SLF2: variants seen among roughly 807,000 people sequenced by gnomAD.
SLF2 encodes the protein SMC5/6 complex localization factor 2, also known as SMC5-SMC6 complex localization factor protein 2.
Under a neutral mutation model 124.3 loss-of-function variants are expected in SLF2, and 68 were observed. The ratio of observed to expected loss-of-function variants is 0.55; its 90% CI spans 0.45 to 0.67. The LOEUF is 0.67. Ranked by LOEUF, SLF2 falls within the 30% of genes least tolerant of loss-of-function variation. SLF2 has a pLI of 0.00. For missense variants in SLF2, 1,246 were observed against 1,373.7 expected (o/e 0.91, Z 1.47); for synonymous variants, 480 against 478.8 (o/e 1.00, Z -0.03).
intron 19 of SLF2, 123 bp downstream of exon 19, chr10:100,959,619 G>C: frequency 5.2e-6 from 7 of 1,351,816 alleles, no homozygotes; most frequent in South Asian, 1.9e-5. Flanking sequence ...AAGATAAACT[G>C]AAAACGCCAG....
At chr10:100,927,101 A>G (rs995105509) in intron 6 of SLF2, among the ~76,000 whole-genome samples, 3 of 152,192 alleles carry the variant, frequency 2.0e-5, no homozygotes, top group Admixed American at 6.5e-5. Context: ...TGGAAAATAC[A>G]TATAAAATTT....
At chr10:100,938,757 T>C (rs1412247379) in intron 11 of SLF2, 21 bp downstream of exon 11, 12 of 1,575,164 alleles carry the variant, frequency 7.6e-6, no homozygotes, top group Non-Finnish European at 1.0e-5. Context: ...TCATCATAAT[T>C]AACGCCAAAA....
intron 19 of SLF2, among the ~76,000 whole-genome samples, chr10:100,961,096 G>A (rs1850420282): frequency 7.7e-6 from 1 of 129,400 alleles, no homozygotes; most frequent in South Asian, 2.5e-4. Flanking sequence ...TGCAAGCTCT[G>A]CCTCCTGGGT....
chr10:100,959,663 G>A (rs1201339963), intron 19 of SLF2, 167 bp downstream of exon 19: 4 of 1,220,890 alleles, frequency 3.3e-6, no homozygotes, highest in African/African-American at 1.6e-5. Context: ...TTTAGTTTTC[G>A]TTTGCTTTAT....
chr10:100,962,023 C>A lies in SLF2; in HGVS notation c.*111C>A. The A allele has an allele frequency of 3.1e-6, 3 of 965,212 alleles. No homozygotes were observed. Among genetic ancestry groups the A allele is most frequent in the South Asian group, 1.9e-5 (1 of 53,262 alleles). The allele number at this position is 965,212 out of a possible 1,614,324, so 59.8% of individuals were successfully genotyped here. A position where few individuals can be genotyped will look rare whatever the true frequency, so the allele number is the denominator to read the frequency against. ...CAATGAATGCCAAGAAAATGTACAG[C>A]AAATGTGCCACTTGAATATCTAGTA... On this transcript the variant is annotated 3_prime_UTR_variant, in exon 20 of 20. Transcript: ENST00000238961.
rs973969815 is a variant in SLF2, at chr10:100,931,635, A to C, written c.2436+557A>C. On this transcript the variant is annotated intron_variant, in intron 9 of 19. Transcript: ENST00000238961. ...TGGTATCATTGATGCTTATGTATGG[A>C]GTTCTGGTGTTACTCTAGATACTTC... Among the ~76,000 whole-genome samples the C allele has an allele frequency of 2.8e-4, 43 of 152,242 alleles. 1 individual carries two copies. Among genetic ancestry groups the C allele is most frequent in the Middle Eastern group, 3.4e-3 (1 of 294 alleles).
chr10:100,958,246 A>T (rs1265376626), intron 18 of SLF2, among the ~76,000 whole-genome samples: 1 of 152,222 alleles, frequency 6.6e-6, no homozygotes, highest in Non-Finnish European at 1.5e-5. Flanking sequence ...TGCAAAGGTT[A>T]GTCATTTGAA....
chr10:100,933,896 C>T (rs1180328735), intron 9 of SLF2, among the ~76,000 whole-genome samples: 2 of 152,170 alleles, frequency 1.3e-5, no homozygotes, highest in African/African-American at 2.4e-5. Context: ...TCAGGCTGGC[C>T]TCGAACTCCT....
chr10:100,922,601 C>T (rs1849541411), intron 4 of SLF2, among the ~76,000 whole-genome samples: 1 of 152,024 alleles, frequency 6.6e-6, no homozygotes, highest in Non-Finnish European at 1.5e-5. Context: ...ATACTGATTG[C>T]ACAAATAGTG....
intron 1 of SLF2, among the ~76,000 whole-genome samples, chr10:100,915,018 C>T (rs1403442636): frequency 6.6e-6 from 1 of 152,164 alleles, no homozygotes; most frequent in African/African-American, 2.4e-5. Context: ...CATAACATCC[C>T]CTTTTTTGCA....
chr10:100,918,508 A>G lies in SLF2; in HGVS notation c.973+67A>G, dbSNP rs1463031209. On this transcript the variant is annotated intron_variant, in intron 4 of 19. Transcript: ENST00000238961. ...CATTTTAATGGCACTGCTTTTTAAA[A>G]TAAATTTGTTTAAATATGCAGTTCC... 8.9e-5 allele frequency: 96 copies of G among 1,078,054 alleles called. 2 individuals carry two copies. The highest frequency in any genetic ancestry group is 1.1e-4 in the Non-Finnish European group (80 of 732,128). 66.8% of individuals were successfully genotyped at this position (1,078,054 alleles called of 1,614,324 possible).
rs555963659 is a variant in SLF2 at position 100,959,302 on chromosome 10, C to T, written c.3418-126C>T. 7.3e-5 allele frequency: 55 copies of T among 752,962 alleles called. No individual in the cohort carries two copies. The South Asian group carries it at 1.8e-3, about 25-fold the overall frequency. The allele number at this position is 752,962 out of a possible 1,614,324, so 46.6% of individuals were successfully genotyped here. A position where few individuals can be genotyped will look rare whatever the true frequency, so the allele number is the denominator to read the frequency against. ...GAGTAGTTTATTTTCTCTTTGTTGA[C>T]AGAAATCAAATTGAGTTGTTGAGTG... On this transcript the variant is annotated intron_variant, in intron 18 of 19. Coordinates refer to ENST00000238961, the MANE Select transcript of SLF2 (RefSeq NM_018121.4).
rs754988514 is a variant in SLF2, at chr10:100,964,476, A to C, written c.*2564A>C. ...ACATTAAGAGGCTCTCCATGCACAA[A>C]ATGCATTGATGTAGCCGTAAAGTAA... On this transcript the variant is annotated 3_prime_UTR_variant, in exon 20 of 20. Coordinates refer to ENST00000238961, the MANE Select transcript of SLF2 (RefSeq NM_018121.4). The C allele has an allele frequency of 6.6e-6, 1 of 152,646 alleles. No individual in the cohort carries two copies. Among genetic ancestry groups the C allele is most frequent in the Non-Finnish European group, 1.5e-5 (1 of 68,034 alleles). 9.5% of individuals were successfully genotyped at this position (152,646 alleles called of 1,614,324 possible). A position where few individuals can be genotyped will look rare whatever the true frequency, so the allele number is the denominator to read the frequency against.
chr10:100,942,828 C>T (rs1390863830), intron 11 of SLF2, among the ~76,000 whole-genome samples: 41 of 152,030 alleles, frequency 2.7e-4, no homozygotes, highest in Non-Finnish European at 1.2e-4. Flanking sequence ...CAAATTTTGC[C>T]GTATTGCCCA....
chr10:100,958,498 C>G (rs969023472), intron 18 of SLF2, among the ~76,000 whole-genome samples: 2 of 152,238 alleles, frequency 1.3e-5, no homozygotes, highest in Admixed American at 1.3e-4. Flanking sequence ...AGGGGACCAC[C>G]CAAGTTTTAT....
Position 100,950,101 on chromosome 10 carries a change from T to G in SLF2, c.3146T>G (p.Val1049Gly), listed in dbSNP as rs774000491. 2.5e-6 allele frequency: 4 copies of G among 1,613,524 alleles called. No homozygotes were observed. The South Asian group carries it at 4.4e-5, about 18-fold the overall frequency. Reference protein sequence around the residue: ...LQVSVLHRYLVQMKPSDLLKK... With the variant: ...LQVSVLHRYLGQMKPSDLLKK... ...GTATCAGTCCTACATCGCTATCTTG[T>G]GCAGATGAAGCCTTCTGATTTGTTA... Residue 1049 changes from valine to glycine, a missense_variant, in exon 16 of 20, where the codon GTG becomes GGG. Around this residue, in one of 3 missense-constraint regions of SLF2, gnomAD observed 535 missense variants for 632.8 expected, o/e 0.85. Transcript: ENST00000238961.
chr10:100,939,145 GA>G (rs1210638093), intron 11 of SLF2, among the ~76,000 whole-genome samples: 14 of 152,178 alleles, frequency 9.2e-5, no homozygotes, highest in African/African-American at 3.4e-4. Flanking sequence ...AAATAACTAA[GA>G]AAATTTGGTG....
chr10:100,917,392 T>C, intron 3 of SLF2, 92 bp downstream of exon 3: 4 of 1,363,210 alleles, frequency 2.9e-6, no homozygotes, highest in Non-Finnish European at 3.9e-6. Context: ...TTACATCACA[T>C]TGACGTCTTT....
At chr10:100,928,657 C>G (rs989217235) in intron 6 of SLF2, among the ~76,000 whole-genome samples, 6 of 152,182 alleles carry the variant, frequency 3.9e-5, no homozygotes, top group African/African-American at 9.7e-5. Flanking sequence ...GAGCTAGACT[C>G]TCTCGCTATG....
Sources: gnomAD v4.1 joint callset for allele counts (sites outside exome capture counted in the v4.1 genomes callset) on GRCh38, gnomAD v4.1.1 for gene constraint, gnomAD v4.1.1 regional missense constraint, MANE v1.5 for transcripts, NCBI Gene and HGNC (gene_info 2026-07-23, HGNC 2026-07-21) for gene names.